MEIS2: variants seen among roughly 807,000 people sequenced by gnomAD.
The protein encoded by MEIS2 is Meis homeobox 2, also known as homeobox protein Meis2.
Under a neutral mutation model 58.6 loss-of-function variants are expected in MEIS2, and 9 were observed. The observed-to-expected ratio is 0.15, with a 90% confidence interval of 0.09 to 0.27. The LOEUF (loss-of-function observed/expected upper bound fraction) is 0.27. Among genes scored for constraint, MEIS2 ranks in the 10% least tolerant of loss-of-function variants. MEIS2 has a pLI of 1.00. For synonymous variants in MEIS2, 221 were observed against 228.4 expected, an observed-to-expected ratio of 0.97 and a Z score of 0.29; for missense variants, 427 against 635.0, an observed-to-expected ratio of 0.67 and a Z score of 3.52.
chr15:36,941,634 C>T (rs1042603204), intron 9 of MEIS2, among the ~76,000 whole-genome samples: 1 of 152,180 alleles, frequency 6.6e-6, no homozygotes, highest in Admixed American at 6.5e-5. Flanking sequence ...GACAGTTTGA[C>T]TTTGAAATTA....
At chr15:36,968,795 C>T (rs1301691452) in intron 8 of MEIS2, among the ~76,000 whole-genome samples, 1 of 152,122 alleles carries the variant, frequency 6.6e-6, no homozygotes, top group Non-Finnish European at 1.5e-5. Flanking sequence ...ATAGTACTTG[C>T]ATTATAGAAA....
At chr15:37,011,193 C>T (rs1259301551) in intron 8 of MEIS2, among the ~76,000 whole-genome samples, 3 of 152,206 alleles carry the variant, frequency 2.0e-5, no homozygotes, top group African/African-American at 7.2e-5. Flanking sequence ...AGCTCACTTA[C>T]TAAATTTAGA....
rs144672360 is a variant in MEIS2, at chr15:37,007,764, C to T, written c.900+29050G>A. On this transcript the variant is annotated intron_variant, in intron 8 of 11. Coordinates refer to ENST00000561208, the MANE Select transcript of MEIS2 (RefSeq NM_170675.5). ...TTCTTTAAAACTTCAATTTTAAAAA[C>T]GCCATCTAAGATTAATGTCCATAAG... Among the ~76,000 whole-genome samples the T allele has an allele frequency of 2.1e-3, 317 of 152,302 alleles. 12 individuals carry two copies. In the East Asian group the frequency reaches 0.057, roughly 27 times the overall value.
Position 37,095,608 on chromosome 15 carries a change from C to T in MEIS2, c.394G>A (p.Ala132Thr). ...DIAVFAKQVRAEKPLFSSNPE... is the reference protein window; with the variant it reads ...DIAVFAKQVRTEKPLFSSNPE... ...TTTGAGGAAAAAAGTGGCTTTTCGG[C>T]GCGAACCTGTAAGAAACAGAGAGTC... Residue 132 changes from alanine to threonine, a missense_variant, in exon 4 of 12, where the codon GCC becomes ACC. Ala to Thr is a moderately conservative substitution (Grantham distance 58). Transcript: ENST00000561208. 1.9e-6 allele frequency: 3 copies of T among 1,614,170 alleles called. No homozygotes were observed. The highest frequency in any genetic ancestry group is 2.5e-6 in the Non-Finnish European group (3 of 1,180,046).
chr15:37,035,959 C>T (rs1001205094), intron 8 of MEIS2, among the ~76,000 whole-genome samples: 7 of 152,164 alleles, frequency 4.6e-5, no homozygotes, highest in African/African-American at 1.7e-4. Flanking sequence ...GGCCTGAAAA[C>T]AATATTATAG....
intron 11 of MEIS2, 30 bp from the exon 12 acceptor site, chr15:36,892,489 G>A (rs1469808500): frequency 6.4e-7 from 1 of 1,552,118 alleles, no homozygotes; most frequent in Admixed American, 1.8e-5. Context: ...AAGAAAGCGG[G>A]TCAAATTCCT....
At chr15:36,909,925 A>G (rs2056924586) in intron 9 of MEIS2, among the ~76,000 whole-genome samples, 1 of 152,060 alleles carries the variant, frequency 6.6e-6, no homozygotes, top group Admixed American at 6.5e-5. Flanking sequence ...TGAGACTCAG[A>G]AAGGAAAGGA....
chr15:36,901,576 C>T (rs2056475129), intron 9 of MEIS2, among the ~76,000 whole-genome samples: 1 of 152,126 alleles, frequency 6.6e-6, no homozygotes, highest in African/African-American at 2.4e-5. Flanking sequence ...GGGACAGACT[C>T]ATGGATCATA....
At chr15:37,060,305 G>T (rs986939161) in intron 7 of MEIS2, among the ~76,000 whole-genome samples, 42 of 152,102 alleles carry the variant, frequency 2.8e-4, no homozygotes, top group African/African-American at 1.0e-3. Flanking sequence ...GGATTAACAG[G>T]AACTGACAAA....
chr15:37,016,826 A>C (rs537470799), intron 8 of MEIS2, among the ~76,000 whole-genome samples: 1 of 152,190 alleles, frequency 6.6e-6, no homozygotes, highest in Non-Finnish European at 1.5e-5. Context: ...CACCCCCTCA[A>C]TGAAACACTG....
intron 8 of MEIS2, among the ~76,000 whole-genome samples, chr15:37,016,648 T>C (rs2061358903): frequency 6.6e-6 from 1 of 152,224 alleles, no homozygotes; most frequent in Non-Finnish European, 1.5e-5. Context: ...AAATTCCTAC[T>C]ATTATGCATA....
At chr15:37,095,866 T>C (rs1894159892) in intron 3 of MEIS2, 2 of 552,814 alleles carry the variant, frequency 3.6e-6, no homozygotes, top group African/African-American at 1.9e-5. Context: ...TCTCAGGGCC[T>C]CGAGTTCCAT....
In MEIS2 at chr15:37,093,606, C is replaced by G. The variant is rs1264692993; in HGVS notation, c.614G>C (p.Gly205Ala). ...SSKSDHEELS[G>A]SSTNLADHNP... ...ATGGTCAGCGAGATTTGTGGAGGAGCCTGAAAGTTCTTCATGATCTGACTT... is the reference window on the plus strand; with the variant it reads ...ATGGTCAGCGAGATTTGTGGAGGAGGCTGAAAGTTCTTCATGATCTGACTT... Residue 205 changes from glycine (G) to alanine (A), a missense_variant, in exon 6 of 12, where the codon GGC becomes GCC. By Grantham distance (60) the Gly-to-Ala change is moderately conservative. Coordinates refer to ENST00000561208, the MANE Select transcript of MEIS2 (RefSeq NM_170675.5). 1 of 1,613,956 alleles carries G rather than the reference C, an allele frequency of 6.2e-7. No individual in the cohort carries two copies. Among genetic ancestry groups the G allele is most frequent in the Non-Finnish European group, 8.5e-7 (1 of 1,180,018 alleles).
intron 8 of MEIS2, among the ~76,000 whole-genome samples, chr15:36,952,633 G>C (rs1241534900): frequency 1.3e-5 from 2 of 151,692 alleles, no homozygotes; most frequent in Non-Finnish European, 2.9e-5. Context: ...GTGTGTGTGT[G>C]TGTGTGTGTG....
chr15:36,956,123 G>GA (rs1197779776), intron 8 of MEIS2, among the ~76,000 whole-genome samples: 2 of 148,164 alleles, frequency 1.3e-5, no homozygotes, highest in Admixed American at 6.7e-5. Flanking sequence ...GTGAACCCGG[G>GA]AGGCGGAGCT....
intron 7 of MEIS2, among the ~76,000 whole-genome samples, chr15:37,059,007 G>A (rs1888825622): frequency 6.6e-6 from 1 of 152,154 alleles, no homozygotes; most frequent in Non-Finnish European, 1.5e-5. Context: ...ATAACTTTTT[G>A]ATTAATGCAT....
intron 7 of MEIS2, among the ~76,000 whole-genome samples, chr15:37,076,702 AAT>A (rs1891469926): frequency 6.7e-6 from 1 of 150,356 alleles, no homozygotes; most frequent in South Asian, 2.1e-4. Context: ...TTTATCCTAT[AAT>A]ATGAGTCATA....
intron 9 of MEIS2, among the ~76,000 whole-genome samples, chr15:36,904,917 A>G (rs1004258990): frequency 1.3e-5 from 2 of 152,222 alleles, no homozygotes; most frequent in African/African-American, 4.8e-5. Context: ...TCCTGTTCTC[A>G]ACAGATAAAT....
intron 1 of MEIS2, chr15:37,099,038 C>T: frequency 1.0e-6 from 1 of 983,554 alleles, no homozygotes. Flanking sequence ...GCGGCGGCTC[C>T]TACGCAGCCC....
Sources: allele counts gnomAD v4.1 joint callset (sites outside exome capture counted in the v4.1 genomes callset), GRCh38; gene constraint gnomAD v4.1.1; transcripts MANE v1.5; gene names NCBI Gene and HGNC (gene_info 2026-07-23, HGNC 2026-07-21).